Variants in DST observed in about 807,000 individuals in gnomAD.
DST encodes the protein bullous pemphigoid antigen.
A neutral mutation model predicts 875.2 loss-of-function variants in DST; 253 were observed. The observed-to-expected ratio is 0.29, with a 90% CI of 0.26 to 0.32. DST has a LOEUF of 0.32. Ranked by LOEUF, DST falls within the 10% of genes least tolerant of loss-of-function variation. DST has a pLI of 1.00. For synonymous variants in DST, 3,124 were observed against 3,197.1 expected (o/e 0.98, Z 0.77); for missense variants, 8,287 against 9,111.6 (o/e 0.91, Z 3.68).
intron 2 of DST, among the ~76,000 whole-genome samples, chr6:56,939,547 C>T (rs79334897): frequency 1.1e-4 from 17 of 152,180 alleles, no homozygotes; most frequent in Non-Finnish European, 2.2e-4. Context: ...AAACATAAAT[C>T]GATAAGAAAA....
intron 4 of DST, among the ~76,000 whole-genome samples, chr6:56,769,442 A>G (rs2099643568): frequency 6.6e-6 from 1 of 152,192 alleles, no homozygotes; most frequent in South Asian, 2.1e-4. Flanking sequence ...CATTAACCCA[A>G]ATGATGTGAG....
rs759882210 is a variant in DST at position 56,552,289 on chromosome 6, C to G, written c.16503G>C (p.Leu5501Phe). ...TCTGGAGCAGAATAGAAAATTCTTT[C>G]AATTTGCTGTAAAATTCTTCAAGGC... ...IKRLEEFYSK[L>F]KEFSILLQKA... The change falls in exon 61 of 104, where the codon TTG becomes TTC. Residue 5501 changes from leucine (L) to phenylalanine (F), a missense_variant. Around this residue, in one of 10 missense-constraint regions of DST, gnomAD observed 777 missense variants for 764.8 expected, o/e 1.02. Coordinates refer to ENST00000680361, the MANE Select transcript of DST (RefSeq NM_001374736.1). 6.8e-6 allele frequency: 11 copies of G among 1,613,872 alleles called. No homozygotes were observed. Among genetic ancestry groups the G allele is most frequent in the Non-Finnish European group, 8.5e-6 (10 of 1,179,886 alleles).
chr6:56,724,851 A>G (rs1469991287), intron 5 of DST, among the ~76,000 whole-genome samples: 1 of 152,216 alleles, frequency 6.6e-6, no homozygotes, highest in African/African-American at 2.4e-5. Context: ...TTATGACTCA[A>G]ATACATAAAA....
intron 4 of DST, among the ~76,000 whole-genome samples, chr6:56,795,365 A>G (rs2099737953): frequency 6.6e-6 from 1 of 152,126 alleles, no homozygotes; most frequent in Non-Finnish European, 1.5e-5. Flanking sequence ...GAGGAACTAC[A>G]AATAACAAGA....
At chr6:56,780,023 A>G (rs1379464058) in intron 4 of DST, among the ~76,000 whole-genome samples, 4 of 150,616 alleles carry the variant, frequency 2.7e-5, no homozygotes, top group South Asian at 2.1e-4. Context: ...ATGATTTCCA[A>G]TTTCATCCAT....
rs35794687 is a variant in DST, at chr6:56,703,871, C to CAAAA, written c.778-129_778-126dup. 81 of 122,452 alleles carry CAAAA rather than the reference C, an allele frequency of 6.6e-4. 1 individual carries two copies. The highest frequency in any genetic ancestry group is 1.2e-3 in the Non-Finnish European group (71 of 58,626). The allele number at this position is 122,452 out of a possible 1,614,324, so 7.6% of individuals were successfully genotyped here. On this transcript the variant is annotated intron_variant, in intron 6 of 103. Transcript: ENST00000680361. ...AACAAGAAGGGGAAGTAATGTTCAC[C>CAAAA]AAAAAAAAAAAAAAAATGACACCTG...
Position 56,578,872 on chromosome 6 carries a change from C to A in DST, c.12969G>T (p.Val4323=), listed in dbSNP as rs1209586609. 1 of 1,610,276 alleles carries A rather than the reference C, an allele frequency of 6.2e-7. No homozygotes were observed. The highest frequency in any genetic ancestry group is 2.2e-5 in the East Asian group (1 of 44,732). Reference sequence around the variant, plus strand: ...GTAAAGATCCCCTGGCATCTAAAAGCACTTCAGCCGTTTTCTTCAGTTTCT... The same window carrying A: ...GTAAAGATCCCCTGGCATCTAAAAGAACTTCAGCCGTTTTCTTCAGTTTCT... ...AVEKLKKTAE[V]LLDARGSLLP... is the part of the protein sequence containing the mutation. Residue 4323 remains valine, a synonymous_variant, in exon 50 of 104, where the codon GTG becomes GTT. Transcript: ENST00000680361.
At chr6:56,625,124 C>T (rs775061916) in intron 35 of DST, 33 bp downstream of exon 35, 7 of 1,393,472 alleles carry the variant, frequency 5.0e-6, no homozygotes, top group East Asian at 4.6e-5. Context: ...TTCTTTTATG[C>T]CCCTTCCCCT....
In DST at chr6:56,506,758, T is replaced by A; in HGVS notation, c.19271A>T (p.Glu6424Val). The change falls in exon 76 of 104, where the codon GAG becomes GTG. Residue 6424 changes from glutamate (E) to valine (V), a missense_variant. By Grantham distance (121) the Glu-to-Val change is moderately radical. This residue lies in a region of DST where 1,292 missense variants were observed against 1,552.7 expected (regional missense o/e 0.83). Coordinates refer to ENST00000680361, the MANE Select transcript of DST (RefSeq NM_001374736.1). ...TAGGTTAATAACTATATCCAGCTCC[T>A]CCTGTAGTCCATCTATTTCTTCCCT... ...TIREEIDGLQEELDIVINLGS... is the reference protein window; with the variant it reads ...TIREEIDGLQVELDIVINLGS... 6.2e-7 allele frequency: 1 copy of A among 1,613,152 alleles called. No individual in the cohort carries two copies. Among genetic ancestry groups the A allele is most frequent in the East Asian group, 2.2e-5 (1 of 44,858 alleles).
chr6:56,850,344 G>A (rs560832072), intron 4 of DST, among the ~76,000 whole-genome samples: 1 of 151,662 alleles, frequency 6.6e-6, no homozygotes, highest in Admixed American at 6.6e-5. Context: ...CCGGAATCTG[G>A]GCTGGTCCCC....
intron 77 of DST, 113 bp from the exon 78 acceptor site, chr6:56,504,211 G>T: frequency 1.4e-6 from 1 of 693,818 alleles, no homozygotes; most frequent in South Asian, 2.1e-5. Context: ...TATAGAATTA[G>T]ACTATTTTAT....
chr6:56,915,163 T>G (rs1800337967), intron 2 of DST, among the ~76,000 whole-genome samples: 1 of 152,214 alleles, frequency 6.6e-6, no homozygotes, highest in African/African-American at 2.4e-5. Flanking sequence ...GCATGCAGCC[T>G]TTTCTGAGAT....
intron 4 of DST, among the ~76,000 whole-genome samples, chr6:56,780,656 T>C: frequency 6.6e-6 from 1 of 151,752 alleles, no homozygotes; most frequent in Non-Finnish European, 1.5e-5. Context: ...GTTGCAAAAA[T>C]TTTCTCCCAT....
At chr6:56,651,077 T>C (rs1160822342) in intron 11 of DST, 45 bp from the exon 12 acceptor site, 8 of 1,587,134 alleles carry the variant, frequency 5.0e-6, no homozygotes, top group Non-Finnish European at 6.9e-6. Context: ...TGTTGATAAA[T>C]TACTTTTGAT....
At chr6:56,769,821 G>A (rs971542741) in intron 4 of DST, among the ~76,000 whole-genome samples, 1 of 152,034 alleles carries the variant, frequency 6.6e-6, no homozygotes, top group Non-Finnish European at 1.5e-5. Context: ...TTGAGACCCC[G>A]TTTCACAAAG....
intron 2 of DST, among the ~76,000 whole-genome samples, chr6:56,942,801 G>A (rs998494302): frequency 1.4e-5 from 2 of 140,806 alleles, no homozygotes; most frequent in Non-Finnish European, 3.0e-5. Flanking sequence ...CTGTAGCTTC[G>A]AACTCCTGGG....
At chr6:56,737,465 T>G (rs990600691) in intron 4 of DST, among the ~76,000 whole-genome samples, 43 of 152,354 alleles carry the variant, frequency 2.8e-4, no homozygotes, top group African/African-American at 1.0e-3. Flanking sequence ...TAAACCAAAG[T>G]TAATTAAAGC....
intron 6 of DST, among the ~76,000 whole-genome samples, 174 bp from the exon 7 acceptor site, chr6:56,703,920 A>G (rs991343077): frequency 2.0e-5 from 3 of 151,714 alleles, no homozygotes; most frequent in Non-Finnish European, 4.4e-5. Context: ...ATCATTTTTC[A>G]GAAAGCAATG....
chr6:56,807,256 G>A (rs1210216168), intron 4 of DST, among the ~76,000 whole-genome samples: 1 of 152,034 alleles, frequency 6.6e-6, no homozygotes, highest in African/African-American at 2.4e-5. Context: ...GAACTCCTGG[G>A]CTCAAGCGAT....
Sources: allele counts gnomAD v4.1 joint callset (sites outside exome capture counted in the v4.1 genomes callset), GRCh38; gene constraint gnomAD v4.1.1; regional missense constraint gnomAD v4.1.1; transcripts MANE v1.5; gene names NCBI Gene and HGNC (gene_info 2026-07-23, HGNC 2026-07-21).